Variants in CCDC171 observed in about 807,000 individuals in gnomAD.
The protein encoded by CCDC171 is coiled-coil domain-containing protein 171.
Under a neutral mutation model 168.2 loss-of-function variants are expected in CCDC171, and 177 were observed. The observed-to-expected ratio is 1.05, with a 90% CI of 0.93 to 1.19. The LOEUF is 1.19. Ranked by LOEUF, CCDC171 falls within the 50% of genes most tolerant of loss-of-function variation. CCDC171 has a pLI of 0.00. For missense variants in CCDC171, 1,991 were observed against 1,539.0 expected (o/e 1.29, Z -4.91); for synonymous variants, 687 against 540.8 (o/e 1.27, Z -3.75).
intron 24 of CCDC171, among the ~76,000 whole-genome samples, chr9:15,910,364 A>G (rs1326582672): frequency 1.3e-5 from 2 of 152,186 alleles, no homozygotes; most frequent in East Asian, 3.9e-4. Flanking sequence ...TTTGTCAAAG[A>G]TCAGTTGGCT....
the CCDC171 span, among the ~76,000 whole-genome samples, chr9:16,081,689 C>G: frequency 6.6e-6 from 1 of 152,072 alleles, no homozygotes; most frequent in African/African-American, 2.4e-5. Flanking sequence ...CTCTGTGGGT[C>G]TAACACATCT....
chr9:16,102,927 G>A, the CCDC171 span, among the ~76,000 whole-genome samples: 2 of 152,160 alleles, frequency 1.3e-5, no homozygotes, highest in Non-Finnish European at 2.9e-5. Context: ...CCCACCCTCA[G>A]CTTTTAATCT....
In CCDC171 at chr9:15,947,824, T is replaced by A. The variant is rs892430306; in HGVS notation, c.3754-23785T>A. On this transcript the variant is annotated intron_variant, in intron 25 of 25. Coordinates refer to ENST00000380701, the MANE Select transcript of CCDC171 (RefSeq NM_173550.4). Reference sequence around the variant, plus strand: ...TTCCATATTTTTTTTAATTTTTTTATTTTTTTTTAATTTATTATTATTTAG... The same window carrying A: ...TTCCATATTTTTTTTAATTTTTTTAATTTTTTTTAATTTATTATTATTTAG... Among the ~76,000 whole-genome samples, 67 of 138,042 alleles carry A rather than the reference T, an allele frequency of 4.9e-4. 1 individual carries two copies. The highest frequency in any genetic ancestry group is 2.0e-3 in the African/African-American group (65 of 33,036). The allele number at this position is 138,042 out of a possible 152,430, so 90.6% of individuals were successfully genotyped here. A position where few individuals can be genotyped will look rare whatever the true frequency, so the allele number is the denominator to read the frequency against.
At chr9:15,745,181 G>C (rs1250006760) in intron 17 of CCDC171, among the ~76,000 whole-genome samples, 5 of 152,156 alleles carry the variant, frequency 3.3e-5, no homozygotes, top group African/African-American at 1.2e-4. Flanking sequence ...TTGAAGAATT[G>C]TGTGAAAATG....
At chr9:15,705,124 T>A (rs372904061) in intron 11 of CCDC171, among the ~76,000 whole-genome samples, 1,699 of 92,852 alleles carry the variant, frequency 0.018, 26 homozygotes, top group African/African-American at 0.051. Flanking sequence ...ACACACACTC[T>A]CACTCACTCA....
In CCDC171 at chr9:15,625,461, A is replaced by C. The variant is rs2044987458; in HGVS notation, c.822+2048A>C. Among the ~76,000 whole-genome samples, 3 of 152,302 alleles carry C rather than the reference A, an allele frequency of 2.0e-5. No homozygotes were observed. In the South Asian group the frequency reaches 6.2e-4, roughly 32 times the overall value. On this transcript the variant is annotated intron_variant, in intron 7 of 25. Coordinates refer to ENST00000380701, the MANE Select transcript of CCDC171 (RefSeq NM_173550.4). The stretch of plus-strand genomic sequence containing the variant: ...TTTTATGGTTTTAGGTCTAACATTT[A>C]AGTCTTTAATCCATCTTGAATTAAT...
chr9:15,741,896 C>G (rs892024485), intron 16 of CCDC171, among the ~76,000 whole-genome samples: 1 of 152,138 alleles, frequency 6.6e-6, no homozygotes, highest in Non-Finnish European at 1.5e-5. Context: ...TATTAAGATA[C>G]TGACTTTAGG....
intron 24 of CCDC171, chr9:15,875,803 T>A (rs1011915145): frequency 1.3e-5 from 2 of 152,006 alleles, no homozygotes; most frequent in African/African-American, 4.8e-5. Context: ...TTCATTAGAT[T>A]GTCCAATATG....
chr9:15,650,773 GT>G (rs552324941), intron 7 of CCDC171, among the ~76,000 whole-genome samples: 7 of 151,598 alleles, frequency 4.6e-5, no homozygotes, highest in South Asian at 2.1e-4. Flanking sequence ...GGGTACATGT[GT>G]TTTTTTTATG....
chr9:15,596,186 T>G (rs1291549489), intron 6 of CCDC171, among the ~76,000 whole-genome samples: 2 of 152,196 alleles, frequency 1.3e-5, no homozygotes, highest in Admixed American at 1.3e-4. Context: ...TTGTTGCCAT[T>G]GGTTTTGGTG....
intron 14 of CCDC171, 79 bp from the exon 15 acceptor site, chr9:15,727,790 C>G: frequency 3.8e-6 from 4 of 1,065,732 alleles, no homozygotes. Context: ...TAAATTAACT[C>G]TTCACCATTA....
chr9:16,023,126 C>G (rs987463461), intron 6 of CCDC171, among the ~76,000 whole-genome samples: 2 of 151,878 alleles, frequency 1.3e-5, no homozygotes, highest in Non-Finnish European at 2.9e-5. Flanking sequence ...TGGAGTCTCA[C>G]TCTGTCGCCC....
intron 25 of CCDC171, among the ~76,000 whole-genome samples, chr9:15,930,572 G>A (rs1282850373): frequency 6.6e-6 from 1 of 151,486 alleles, no homozygotes; most frequent in African/African-American, 2.4e-5. Flanking sequence ...TACTTACATG[G>A]TATATACTCA....
chr9:15,719,410 G>A (rs1206908846), intron 11 of CCDC171, among the ~76,000 whole-genome samples: 2 of 74,294 alleles, frequency 2.7e-5, no homozygotes, highest in African/African-American at 4.7e-5. Flanking sequence ...GGGGCGGGGC[G>A]GGGGAAAGAG....
intron 4 of CCDC171, 82 bp from the exon 5 acceptor site, chr9:15,591,284 G>A (rs1345174526): frequency 1.3e-6 from 1 of 783,110 alleles, no homozygotes; most frequent in East Asian, 2.8e-5. Flanking sequence ...TGTAAATGAT[G>A]TCAACTCCAA....
chr9:15,920,506 A>G (rs1411058505), intron 25 of CCDC171, 84 bp downstream of exon 25: 1 of 936,106 alleles, frequency 1.1e-6, no homozygotes, highest in Non-Finnish European at 1.6e-6. Context: ...TCATAAGATC[A>G]TTTGCCAATA....
chr9:15,995,601 C>T (rs1266501488), intron 3 of CCDC171, among the ~76,000 whole-genome samples: 2 of 152,188 alleles, frequency 1.3e-5, no homozygotes, highest in African/African-American at 2.4e-5. Flanking sequence ...GCAATAATAC[C>T]TAAACAGTGA....
intron 3 of CCDC171, among the ~76,000 whole-genome samples, chr9:15,987,440 G>C (rs1027983333): frequency 2.0e-5 from 3 of 151,246 alleles, no homozygotes; most frequent in African/African-American, 7.3e-5. Flanking sequence ...GAAAGAAAAA[G>C]CAACAATATT....
In CCDC171 at chr9:15,606,626, T is replaced by C. The variant is rs1034033990; in HGVS notation, c.675+12454T>C. On this transcript the variant is annotated intron_variant, in intron 6 of 25. Coordinates refer to ENST00000380701, the MANE Select transcript of CCDC171 (RefSeq NM_173550.4). ...TTAACTCTGATACTTTTCTAACTAG[T>C]GTAATTCTTCAGAATTGGAACGGAA... 2.0e-5 allele frequency among the ~76,000 whole-genome samples: 3 copies of C among 152,332 alleles called. No homozygotes were observed. In the East Asian group the frequency reaches 5.8e-4, roughly 29 times the overall value.
Sources: allele counts gnomAD v4.1 joint callset (sites outside exome capture counted in the v4.1 genomes callset), GRCh38; gene constraint gnomAD v4.1.1; transcripts MANE v1.5; gene names NCBI Gene and HGNC (gene_info 2026-07-23, HGNC 2026-07-21).